FEZ1: variants seen among roughly 807,000 people sequenced by gnomAD.
FEZ1 encodes the protein fasciculation and elongation protein zeta 1.
In FEZ1, 20 loss-of-function variants were observed where a neutral mutation model predicts 49.3. The ratio of observed to expected loss-of-function variants is 0.41; its 90% CI spans 0.29 to 0.59. The LOEUF (loss-of-function observed/expected upper bound fraction) is 0.59. Ranked by LOEUF, FEZ1 falls within the 20% of genes least tolerant of loss-of-function variation. FEZ1 has a pLI of 0.36. For synonymous variants in FEZ1, 170 were observed against 180.9 expected (o/e 0.94, Z 0.48); for missense variants, 413 against 476.0 (o/e 0.87, Z 1.23).
intron 1 of FEZ1, among the ~76,000 whole-genome samples, chr11:125,492,095 T>C (rs1430680522): frequency 6.6e-6 from 1 of 152,226 alleles, no homozygotes; most frequent in Admixed American, 6.5e-5. Flanking sequence ...CAAAATGTAA[T>C]CCACAAAAAA....
chr11:125,469,878 C>CTTTTGTTT (rs1444476767), intron 3 of FEZ1, among the ~76,000 whole-genome samples: 21 of 151,726 alleles, frequency 1.4e-4, no homozygotes, highest in African/African-American at 4.8e-4. Context: ...CCCTGGCTAC[C>CTTTTGTTT]TTTTTGTTTT....
chr11:125,460,099 CA>C (rs921400965), intron 5 of FEZ1: 59 of 146,004 alleles, frequency 4.0e-4, no homozygotes, highest in South Asian at 1.5e-3. Context: ...GACTCTGTCT[CA>C]AAAAAAAAAG....
chr11:125,452,441 G>A (rs1212679448), intron 7 of FEZ1, 32 bp from the exon 8 acceptor site: 19 of 1,408,766 alleles, frequency 1.3e-5, no homozygotes, highest in Non-Finnish European at 1.9e-5. Context: ...GGGGGCTTGA[G>A]ACAGAAGACA....
intron 4 of FEZ1, among the ~76,000 whole-genome samples, chr11:125,461,869 C>T (rs905347119): frequency 6.6e-6 from 1 of 152,172 alleles, no homozygotes; most frequent in African/African-American, 2.4e-5. Flanking sequence ...ACCTTTTCAC[C>T]TCTACTCACA....
At chr11:125,471,217 A>T (rs1341776524) in intron 3 of FEZ1, among the ~76,000 whole-genome samples, 2 of 152,146 alleles carry the variant, frequency 1.3e-5, no homozygotes, top group African/African-American at 4.8e-5. Flanking sequence ...AGATGGGACA[A>T]TCAGAAATGA....
intron 6 of FEZ1, among the ~76,000 whole-genome samples, chr11:125,454,784 G>T (rs1216747468): frequency 6.6e-6 from 1 of 152,090 alleles, no homozygotes; most frequent in Non-Finnish European, 1.5e-5. Flanking sequence ...GGGAGGCCGA[G>T]GCGGGGAGAT....
chr11:125,488,956 G>A lies in FEZ1; in HGVS notation c.311+511C>T, dbSNP rs1032579007. 1.9e-5 allele frequency: 19 copies of A among 985,254 alleles called. No individual in the cohort carries two copies. In the South Asian group the frequency reaches 3.8e-4, roughly 19 times the overall value. 61.0% of individuals were successfully genotyped at this position (985,254 alleles called of 1,614,324 possible). A position where few individuals can be genotyped will look rare whatever the true frequency, so the allele number is the denominator to read the frequency against. ...ACCTTTACTTTGTCCAGGGTAGCCC[G>A]CTGTGCTCTCAGTTCAGTTTAGATG... is the stretch of plus-strand genomic sequence containing the variant. On this transcript the variant is annotated intron_variant, in intron 2 of 9. Transcript: ENST00000278919.
At chr11:125,493,363 AAAG>A (rs1209598371) in intron 1 of FEZ1, among the ~76,000 whole-genome samples, 1 of 21,820 alleles carries the variant, frequency 4.6e-5, no homozygotes, top group Non-Finnish European at 9.0e-5. Flanking sequence ...GAAAGAGAGA[AAAG>A]AAAGAAAGAA....
intron 8 of FEZ1, among the ~76,000 whole-genome samples, chr11:125,451,684 G>T (rs922637462): frequency 1.3e-5 from 2 of 152,162 alleles, no homozygotes; most frequent in African/African-American, 4.8e-5. Flanking sequence ...AACACCATGT[G>T]CCCCCCAGCC....
At chr11:125,457,946 C>A (rs61917852) in intron 5 of FEZ1, among the ~76,000 whole-genome samples, 129 of 152,248 alleles carry the variant, frequency 8.5e-4, no homozygotes, top group Middle Eastern at 3.4e-3. Flanking sequence ...CCCTCTCCCC[C>A]TTCTGTTTTT....
intron 2 of FEZ1, among the ~76,000 whole-genome samples, chr11:125,483,089 G>A (rs958482122): frequency 2.7e-5 from 4 of 149,646 alleles, no homozygotes; most frequent in Admixed American, 6.7e-5. Context: ...AATGATACCC[G>A]TGACAGCAAG....
intron 3 of FEZ1, 33 bp from the exon 4 acceptor site, chr11:125,463,603 T>C (rs1363395432): frequency 1.5e-6 from 2 of 1,356,318 alleles, no homozygotes; most frequent in African/African-American, 1.4e-5. Flanking sequence ...GAATTCTGGG[T>C]GACCATCAGC....
At chr11:125,451,159 A>C (rs186750750) in intron 8 of FEZ1, among the ~76,000 whole-genome samples, 1 of 152,340 alleles carries the variant, frequency 6.6e-6, no homozygotes, top group Non-Finnish European at 1.5e-5. Flanking sequence ...AACTTGTGTG[A>C]AAACACAAAC....
In FEZ1 at chr11:125,452,320, C is replaced by G. The variant is rs754125308; in HGVS notation, c.1096+14G>C. ...AAGGAGCCACTGATCTGGCTGAGAA[C>G]AAGAGGAACTCACTGTTTGTCAGCA... On this transcript the variant is annotated intron_variant, in intron 8 of 9. Coordinates refer to ENST00000278919, the MANE Select transcript of FEZ1 (RefSeq NM_005103.5). 6.3e-7 allele frequency: 1 copy of G among 1,577,322 alleles called. No individual in the cohort carries two copies. The highest frequency in any genetic ancestry group is 1.7e-5 in the Admixed American group (1 of 59,986).
rs1956888987 is a variant in FEZ1 at position 125,445,288 on chromosome 11, T to C, written c.*807A>G. ...AGGAAACAAGTTGCAGTCCCCTACG[T>C]TGGGAAAGCTCAGCAGAGCTGACTT... On this transcript the variant is annotated 3_prime_UTR_variant, in exon 10 of 10. Transcript: ENST00000278919. The surrounding 1 kb of genome is among the most constrained non-coding windows in gnomAD (Gnocchi z 4.4). Among the ~76,000 whole-genome samples the C allele has an allele frequency of 6.6e-6, 1 of 152,198 alleles. No homozygotes were observed. Among genetic ancestry groups the C allele is most frequent in the Non-Finnish European group, 1.5e-5 (1 of 68,044 alleles).
intron 1 of FEZ1, among the ~76,000 whole-genome samples, chr11:125,491,533 C>G (rs2135790250): frequency 6.6e-6 from 1 of 152,266 alleles, no homozygotes; most frequent in Non-Finnish European, 1.5e-5. Flanking sequence ...TCTCTACACG[C>G]TCAACAGAAA....
chr11:125,480,405 T>C (rs752350151), intron 3 of FEZ1, among the ~76,000 whole-genome samples: 1 of 152,078 alleles, frequency 6.6e-6, no homozygotes, highest in Non-Finnish European at 1.5e-5. Context: ...GAGAGACTTC[T>C]TCCCCACTGT....
At position 125,484,892 on chromosome 11, in the gene FEZ1, G is replaced by A. The variant is rs1178191241; in HGVS notation, c.312-3259C>T. Among the ~76,000 whole-genome samples the A allele has an allele frequency of 2.0e-5, 3 of 152,108 alleles. No homozygotes were observed. The East Asian group carries it at 5.8e-4, about 29-fold the overall frequency. On this transcript the variant is annotated intron_variant, in intron 2 of 9. Coordinates refer to ENST00000278919, the MANE Select transcript of FEZ1 (RefSeq NM_005103.5). ...AGCCAGCAGCCTCAGCAACAGAGGAGCCAATGCAGCCAGGGCAGGGGGAAA... is the reference window on the plus strand; with the variant it reads ...AGCCAGCAGCCTCAGCAACAGAGGAACCAATGCAGCCAGGGCAGGGGGAAA...
chr11:125,461,445 A>G (rs1401146247), intron 4 of FEZ1, among the ~76,000 whole-genome samples: 1 of 152,166 alleles, frequency 6.6e-6, no homozygotes, highest in Non-Finnish European at 1.5e-5. Flanking sequence ...CATCTCTGCA[A>G]AAAGCAGAAA....
Sources: gnomAD v4.1 joint callset for allele counts (sites outside exome capture counted in the v4.1 genomes callset) on GRCh38, gnomAD v4.1.1 for gene constraint, Gnocchi (gnomAD v3.1) non-coding constraint, MANE v1.5 for transcripts, NCBI Gene and HGNC (gene_info 2026-07-23, HGNC 2026-07-21) for gene names.